PIKFYVE: variants seen among roughly 807,000 people sequenced by gnomAD.
PIKFYVE encodes phosphoinositide kinase, FYVE-type zinc finger containing.
Under a neutral mutation model 257.9 loss-of-function variants are expected in PIKFYVE, and 122 were observed. That is an observed-to-expected ratio of 0.47 (90% CI 0.41 to 0.55). The LOEUF (loss-of-function observed/expected upper bound fraction) is 0.55. PIKFYVE is among the 20% of genes least tolerant of loss of function. The pLI is 0.00. For missense variants in PIKFYVE, 2,160 were observed against 2,536.6 expected, an observed-to-expected ratio of 0.85 and a Z score of 3.19; for synonymous variants, 892 against 868.9, an observed-to-expected ratio of 1.03 and a Z score of -0.47.
intron 35 of PIKFYVE, among the ~76,000 whole-genome samples, chr2:208,349,512 G>A (rs1484464947): frequency 6.7e-6 from 1 of 149,400 alleles, no homozygotes; most frequent in African/African-American, 2.4e-5. Context: ...AATTATGTAT[G>A]TTATATAATT....
At chr2:208,282,834 G>C (rs1691001154) in intron 5 of PIKFYVE, among the ~76,000 whole-genome samples, 1 of 152,174 alleles carries the variant, frequency 6.6e-6, no homozygotes. Context: ...GACTGGTGTG[G>C]GGGACGGGGG....
chr2:208,282,062 A>G (rs1574432664), intron 5 of PIKFYVE, among the ~76,000 whole-genome samples: 1 of 152,350 alleles, frequency 6.6e-6, no homozygotes, highest in Non-Finnish European at 1.5e-5. Flanking sequence ...GAACCAGCCC[A>G]TGTCATTATA....
In PIKFYVE at chr2:208,356,712, G is replaced by A. The variant is rs1700182821; in HGVS notation, c.*1407G>A. 1 of 152,568 alleles carries A rather than the reference G, an allele frequency of 6.6e-6. No homozygotes were observed. Among genetic ancestry groups the A allele is most frequent in the African/African-American group, 2.4e-5 (1 of 41,430 alleles). 9.5% of individuals were successfully genotyped at this position (152,568 alleles called of 1,614,324 possible). A position where few individuals can be genotyped will look rare whatever the true frequency, so the allele number is the denominator to read the frequency against. ...TTAGTAAGGAACTTCTTGTTTAATA[G>A]CATTTTTGTTTATTTTAAAAAGTGA... On this transcript the variant is annotated 3_prime_UTR_variant, in exon 42 of 42. Transcript: ENST00000264380.
rs185593020 is a variant in PIKFYVE at position 208,351,146 on chromosome 2, A to G, written c.5611+199A>G. Among the ~76,000 whole-genome samples, 20 of 152,346 alleles carry G rather than the reference A, an allele frequency of 1.3e-4. No individual in the cohort carries two copies. In the East Asian group the frequency reaches 2.7e-3, roughly 21 times the overall value. On this transcript the variant is annotated intron_variant, in intron 37 of 41. Coordinates refer to ENST00000264380, the MANE Select transcript of PIKFYVE (RefSeq NM_015040.4). The stretch of plus-strand genomic sequence containing the variant: ...ACTGAACTTAGATGTGTTATTGACA[A>G]AAGTAGAGGGTTTTTGACTATATAA...
At chr2:208,337,528 T>C (rs114619158) in intron 28 of PIKFYVE, among the ~76,000 whole-genome samples, 7,490 of 152,080 alleles carry the variant, frequency 0.049, 389 homozygotes, top group African/African-American at 0.13. Context: ...GATCTATATC[T>C]ATCTATAGAT....
At chr2:208,344,675 GTT>G (rs991690734) in intron 32 of PIKFYVE, among the ~76,000 whole-genome samples, 1 of 142,822 alleles carries the variant, frequency 7.0e-6, no homozygotes, top group South Asian at 2.2e-4. Flanking sequence ...TAAGAGTCAG[GTT>G]TTTTTTTTTT....
At chr2:208,294,806 C>T (rs1007647452) in intron 7 of PIKFYVE, among the ~76,000 whole-genome samples, 1 of 152,256 alleles carries the variant, frequency 6.6e-6, no homozygotes, top group East Asian at 1.9e-4. Flanking sequence ...AATAGTTTCT[C>T]CTCAGGGCAG....
chr2:208,346,130 A>G lies in PIKFYVE; in HGVS notation c.5192A>G (p.Glu1731Gly). The G allele has an allele frequency of 6.2e-7, 1 of 1,610,086 alleles. No individual in the cohort carries two copies. Among genetic ancestry groups the G allele is most frequent in the Non-Finnish European group, 8.5e-7 (1 of 1,176,458 alleles). Reference sequence around the variant, plus strand: ...GGAGGACAGACAAATCGTACAACAGAAACAGAACCACAACCAAGTAAGATT... The same window carrying G: ...GGAGGACAGACAAATCGTACAACAGGAACAGAACCACAACCAAGTAAGATT... ...MSGGQTNRTT[E>G]TEPQPTKKAS... The change falls in exon 34 of 42, where the codon GAA becomes GGA. Residue 1731 changes from glutamate to glycine, a missense_variant. Around this residue, in one of 12 missense-constraint regions of PIKFYVE, gnomAD observed 699 missense variants for 855.8 expected, o/e 0.82. Coordinates refer to ENST00000264380, the MANE Select transcript of PIKFYVE (RefSeq NM_015040.4).
chr2:208,351,806 T>G (rs1439149407), intron 38 of PIKFYVE, among the ~76,000 whole-genome samples: 1 of 152,188 alleles, frequency 6.6e-6, no homozygotes, highest in Non-Finnish European at 1.5e-5. Flanking sequence ...GAGCAAGAAC[T>G]TATTACTGCA....
chr2:208,331,667 C>T (rs1185873874), intron 23 of PIKFYVE, among the ~76,000 whole-genome samples: 6 of 152,186 alleles, frequency 3.9e-5, no homozygotes, highest in African/African-American at 9.7e-5. Flanking sequence ...TGAGCCACAG[C>T]GCCTGGCCTT....
At chr2:208,274,139 CTG>C in intron 3 of PIKFYVE, 1 of 1,403,932 alleles carries the variant, frequency 7.1e-7, no homozygotes, top group Non-Finnish European at 9.9e-7. Flanking sequence ...CTGCAGAACT[CTG>C]TCAACTCCAT....
At chr2:208,288,009 A>T (rs967194902) in intron 6 of PIKFYVE, among the ~76,000 whole-genome samples, 2 of 152,204 alleles carry the variant, frequency 1.3e-5, no homozygotes, top group African/African-American at 4.8e-5. Flanking sequence ...AACAATATGA[A>T]GTATAGAGTT....
At chr2:208,311,841 G>A (rs1694966644) in intron 12 of PIKFYVE, among the ~76,000 whole-genome samples, 1 of 152,130 alleles carries the variant, frequency 6.6e-6, no homozygotes. Context: ...TTGTGCATAG[G>A]CAAAGTGATT....
chr2:208,301,794 G>T (rs1693717957), intron 9 of PIKFYVE, among the ~76,000 whole-genome samples: 1 of 152,166 alleles, frequency 6.6e-6, no homozygotes, highest in Non-Finnish European at 1.5e-5. Context: ...TTTATAAATT[G>T]TGAAATGCCA....
At chr2:208,340,607 T>G (rs992452338) in intron 31 of PIKFYVE, among the ~76,000 whole-genome samples, 2 of 152,208 alleles carry the variant, frequency 1.3e-5, no homozygotes, top group Non-Finnish European at 2.9e-5. Context: ...GAAAGTTTAT[T>G]TTTCTTCCAC....
At chr2:208,271,741 A>G in intron 2 of PIKFYVE, 50 bp downstream of exon 2, 3 of 1,562,848 alleles carry the variant, frequency 1.9e-6, no homozygotes, top group Non-Finnish European at 2.6e-6. Context: ...ATTGTTTGAA[A>G]TGCTCCTTTG....
chr2:208,270,637 T>G (rs967812744), intron 1 of PIKFYVE, among the ~76,000 whole-genome samples: 8 of 152,164 alleles, frequency 5.3e-5, no homozygotes, highest in African/African-American at 1.7e-4. Context: ...GGTCATGAAG[T>G]GTAGCTTGAG....
At position 208,350,858 on chromosome 2, in the gene PIKFYVE, G is replaced by A; in HGVS notation, c.5522G>A (p.Ser1841Asn). ...ATGCGTGAAGTGATTCTGGACAGCA[G>A]TGAAGAAGATTTCATTCGTTCCCTC... ...HKMREVILDSSEEDFIRSLSH... is the reference protein window; with the variant it reads ...HKMREVILDSNEEDFIRSLSH... The change falls in exon 37 of 42, where the codon AGT becomes AAT. Residue 1841 changes from serine (S) to asparagine (N), a missense_variant. Coordinates refer to ENST00000264380, the MANE Select transcript of PIKFYVE (RefSeq NM_015040.4). 3.1e-6 allele frequency: 5 copies of A among 1,614,204 alleles called. No homozygotes were observed. The highest frequency in any genetic ancestry group is 4.2e-6 in the Non-Finnish European group (5 of 1,180,038).
At chr2:208,301,212 A>G (rs938918990) in intron 9 of PIKFYVE, 118 bp downstream of exon 9, 2 of 1,300,460 alleles carry the variant, frequency 1.5e-6, no homozygotes, top group South Asian at 2.6e-5. Flanking sequence ...TGTTTTATGT[A>G]ATTGATGGTT....
Sources: gnomAD v4.1 joint callset for allele counts (sites outside exome capture counted in the v4.1 genomes callset) on GRCh38, gnomAD v4.1.1 for gene constraint, gnomAD v4.1.1 regional missense constraint, MANE v1.5 for transcripts, NCBI Gene and HGNC (gene_info 2026-07-23, HGNC 2026-07-21) for gene names.